Variants in ARHGAP15 observed in about 807,000 individuals in gnomAD.
ARHGAP15 encodes the protein Rho GTPase activating protein 15, also known as rho GTPase-activating protein 15.
ARHGAP15 carries 51 observed loss-of-function variants against 63.7 expected under a neutral mutation model. The observed-to-expected ratio is 0.80, with a 90% confidence interval of 0.64 to 1.01. ARHGAP15 has a LOEUF of 1.01. Among genes scored for constraint, ARHGAP15 ranks in the 50% least tolerant of loss-of-function variants. The pLI, the probability that ARHGAP15 is intolerant of heterozygous loss-of-function variation, is 0.00. For missense variants in ARHGAP15, 560 were observed against 564.6 expected (o/e 0.99, Z 0.08); for synonymous variants, 191 against 193.8 (o/e 0.99, Z 0.12).
intron 6 of ARHGAP15, among the ~76,000 whole-genome samples, chr2:143,418,006 A>C (rs1194301040): frequency 6.6e-6 from 1 of 152,224 alleles, no homozygotes; most frequent in African/African-American, 2.4e-5. Context: ...CATCTGTAGA[A>C]CAAGAAACTC....
chr2:143,606,606 A>G (rs1226028938), intron 11 of ARHGAP15: 2 of 152,222 alleles, frequency 1.3e-5, no homozygotes, highest in Non-Finnish European at 2.9e-5. Context: ...CAACCACTGT[A>G]TATAGACAAC....
intron 9 of ARHGAP15, among the ~76,000 whole-genome samples, chr2:143,501,058 C>T (rs1356021512): frequency 6.6e-6 from 1 of 152,132 alleles, no homozygotes. Context: ...CTGAAAGAGG[C>T]CTGGTCTGGG....
At chr2:143,748,698 T>C (rs1433668021) in intron 13 of ARHGAP15, among the ~76,000 whole-genome samples, 1 of 152,182 alleles carries the variant, frequency 6.6e-6, no homozygotes, top group Non-Finnish European at 1.5e-5. Flanking sequence ...GTGTATTAAC[T>C]TTCTCTCAAA....
At chr2:143,429,633 C>A (rs916792753) in intron 6 of ARHGAP15, among the ~76,000 whole-genome samples, 8 of 152,000 alleles carry the variant, frequency 5.3e-5, no homozygotes, top group Non-Finnish European at 1.2e-4. Flanking sequence ...ATCCAATAAG[C>A]GTCTGGAAAC....
intron 5 of ARHGAP15, among the ~76,000 whole-genome samples, chr2:143,245,236 T>G (rs1694005633): frequency 6.6e-6 from 1 of 152,102 alleles, no homozygotes; most frequent in African/African-American, 2.4e-5. Flanking sequence ...CTGGGGTTAC[T>G]AACATTTAGA....
At chr2:143,464,913 G>A (rs980011101) in intron 8 of ARHGAP15, among the ~76,000 whole-genome samples, 2 of 151,778 alleles carry the variant, frequency 1.3e-5, no homozygotes, top group Non-Finnish European at 1.5e-5. Context: ...AGGCAATTAC[G>A]TCGTTTTTCA....
chr2:143,660,916 A>C (rs374708269), intron 12 of ARHGAP15, among the ~76,000 whole-genome samples: 3 of 152,194 alleles, frequency 2.0e-5, no homozygotes, highest in African/African-American at 7.2e-5. Flanking sequence ...ACAGTTCTGT[A>C]GTTTAGAAGT....
chr2:143,403,434 ATTTTTCACTAAC>A (rs963023175), intron 6 of ARHGAP15, among the ~76,000 whole-genome samples: 24 of 151,770 alleles, frequency 1.6e-4, no homozygotes, highest in Non-Finnish European at 3.2e-4. Context: ...AATTTAACTT[ATTTTTCACTAAC>A]TCAGAGATAG....
At chr2:143,653,599 C>A (rs991051568) in intron 12 of ARHGAP15, among the ~76,000 whole-genome samples, 79 of 152,066 alleles carry the variant, frequency 5.2e-4, no homozygotes, top group African/African-American at 1.9e-3. Context: ...CTGACTTTAG[C>A]CTCAAAGGGA....
intron 11 of ARHGAP15, chr2:143,593,252 A>G (rs1376095862): frequency 6.6e-6 from 1 of 152,208 alleles, no homozygotes; most frequent in East Asian, 1.9e-4. Flanking sequence ...TTGGACACCT[A>G]CCTGTCAGCT....
intron 2 of ARHGAP15, among the ~76,000 whole-genome samples, chr2:143,165,406 G>A (rs534522744): frequency 6.6e-6 from 1 of 152,166 alleles, no homozygotes; most frequent in South Asian, 2.1e-4. Flanking sequence ...TTTCCAATGA[G>A]AAGGGACATG....
At chr2:143,355,062 A>G (rs775584158) in intron 6 of ARHGAP15, among the ~76,000 whole-genome samples, 3 of 152,222 alleles carry the variant, frequency 2.0e-5, no homozygotes, top group Non-Finnish European at 4.4e-5. Flanking sequence ...AAAATTGGCT[A>G]TAACTTTTAA....
chr2:143,535,348 C>A (rs1256657646), intron 10 of ARHGAP15, among the ~76,000 whole-genome samples: 1 of 152,074 alleles, frequency 6.6e-6, no homozygotes, highest in Non-Finnish European at 1.5e-5. Flanking sequence ...TACTTGTTTT[C>A]TTTTCAGTTA....
chr2:143,504,492 T>C (rs893218763), intron 9 of ARHGAP15, among the ~76,000 whole-genome samples: 2 of 152,224 alleles, frequency 1.3e-5, no homozygotes, highest in African/African-American at 2.4e-5. Context: ...GTACTTGTTA[T>C]CTACTTTGAG....
At chr2:143,767,131 T>C (rs1308366777) in intron 13 of ARHGAP15, among the ~76,000 whole-genome samples, 5 of 152,174 alleles carry the variant, frequency 3.3e-5, no homozygotes, top group African/African-American at 1.2e-4. Flanking sequence ...CTTATTTCCT[T>C]ATCACTAAAA....
At chr2:143,605,082 T>A (rs570018613) in intron 11 of ARHGAP15, among the ~76,000 whole-genome samples, 1 of 152,262 alleles carries the variant, frequency 6.6e-6, no homozygotes, top group South Asian at 2.1e-4. Flanking sequence ...CTAAGTTTTG[T>A]ATTTTTAGTA....
intron 6 of ARHGAP15, among the ~76,000 whole-genome samples, chr2:143,303,748 C>T (rs1683028688): frequency 6.6e-6 from 1 of 152,038 alleles, no homozygotes; most frequent in South Asian, 2.1e-4. Context: ...CTACAAAGAA[C>T]TCAAACAAAT....
intron 6 of ARHGAP15, among the ~76,000 whole-genome samples, chr2:143,397,130 G>C (rs548784212): frequency 6.6e-5 from 10 of 152,182 alleles, no homozygotes; most frequent in South Asian, 2.1e-4. Flanking sequence ...TGTACAGATG[G>C]AAGTAGATCC....
chr2:143,532,625 A>T (rs971216202), intron 10 of ARHGAP15, among the ~76,000 whole-genome samples: 5 of 152,200 alleles, frequency 3.3e-5, no homozygotes, highest in African/African-American at 1.2e-4. Flanking sequence ...TTATAGATAT[A>T]CTGTAGACTC....
Sources: allele counts gnomAD v4.1 joint callset (sites outside exome capture counted in the v4.1 genomes callset), GRCh38; gene constraint gnomAD v4.1.1; transcripts MANE v1.5; gene names NCBI Gene and HGNC (gene_info 2026-07-23, HGNC 2026-07-21).